Variants in MAF observed in about 807,000 individuals in gnomAD.
MAF encodes transcription factor Maf.
Under a neutral mutation model 22.0 loss-of-function variants are expected in MAF, and 10 were observed. That is an observed-to-expected ratio of 0.45 (90% CI 0.28 to 0.77). MAF has a LOEUF of 0.77. MAF is among the 30% of genes least tolerant of loss of function. The probability of loss-of-function intolerance (pLI) is 0.12; values close to 1 mark genes in which losing one functional copy is unlikely to be tolerated. For missense variants in MAF, 544 were observed against 548.4 expected (o/e 0.99, Z 0.08); for synonymous variants, 337 against 255.8 (o/e 1.32, Z -3.03).
the MAF span, among the ~76,000 whole-genome samples, chr16:79,557,898 G>A: frequency 2.6e-5 from 4 of 151,046 alleles, no homozygotes; most frequent in African/African-American, 9.7e-5. Context: ...AAACTTCATT[G>A]GGCACTAAGA....
At chr16:79,570,282 T>C in the MAF span, among the ~76,000 whole-genome samples, 1 of 152,102 alleles carries the variant, frequency 6.6e-6, no homozygotes, top group Admixed American at 6.5e-5. Context: ...GCCCTGGCCT[T>C]CCAAAATGTC....
chr16:79,474,744 T>C, the MAF span, among the ~76,000 whole-genome samples: 2 of 152,168 alleles, frequency 1.3e-5, no homozygotes, highest in African/African-American at 4.8e-5. Flanking sequence ...AGCATGAGCA[T>C]GACCCAGACC....
chr16:79,226,576 G>A, the MAF span, among the ~76,000 whole-genome samples: 100 of 152,090 alleles, frequency 6.6e-4, no homozygotes, highest in African/African-American at 1.5e-3. Context: ...AAAAATGTAC[G>A]TTATAAAAGT....
the MAF span, among the ~76,000 whole-genome samples, chr16:79,339,845 G>C: frequency 1.3e-5 from 2 of 152,150 alleles, no homozygotes; most frequent in Admixed American, 6.5e-5. Flanking sequence ...TTATCTCTTT[G>C]AGGTAAAGCA....
the MAF span, among the ~76,000 whole-genome samples, chr16:79,506,594 A>C: frequency 3.3e-5 from 5 of 152,176 alleles, no homozygotes; most frequent in African/African-American, 1.2e-4. Context: ...AGAACCAAGA[A>C]GAGGGGCCAG....
the MAF span, among the ~76,000 whole-genome samples, chr16:79,243,567 G>A: frequency 1.3e-5 from 2 of 151,838 alleles, no homozygotes; most frequent in African/African-American, 4.8e-5. Flanking sequence ...AAATGATGCA[G>A]TAATTAATAG....
the MAF span, chr16:79,229,557 G>C: frequency 2.0e-5 from 3 of 152,076 alleles, no homozygotes; most frequent in East Asian, 1.9e-4. Context: ...GGCTGTGAGC[G>C]GGGATAAGTG....
the MAF span, among the ~76,000 whole-genome samples, chr16:79,244,800 C>T: frequency 6.6e-6 from 1 of 152,072 alleles, no homozygotes; most frequent in Admixed American, 6.6e-5. Context: ...AGGCATCATG[C>T]TACCTGACTT....
At chr16:79,580,361 T>C in the MAF span, among the ~76,000 whole-genome samples, 8 of 152,228 alleles carry the variant, frequency 5.3e-5, no homozygotes, top group African/African-American at 1.2e-4. Context: ...ACAGTCTAAA[T>C]AACACGGTTC....
At chr16:79,297,469 G>A in the MAF span, among the ~76,000 whole-genome samples, 19 of 152,302 alleles carry the variant, frequency 1.2e-4, no homozygotes, top group African/African-American at 4.6e-4. Flanking sequence ...AAGTCAGACT[G>A]TGAACGAGGA....
chr16:79,212,340 G>A, the MAF span: 1 of 670,874 alleles, frequency 1.5e-6, no homozygotes, highest in South Asian at 2.3e-5. Context: ...CAGCCAGTGA[G>A]GATGACAGTG....
chr16:79,276,876 G>C, the MAF span, among the ~76,000 whole-genome samples: 1 of 152,102 alleles, frequency 6.6e-6, no homozygotes, highest in Non-Finnish European at 1.5e-5. Flanking sequence ...TCCTTTCAAG[G>C]CTCCAGGGGA....
At chr16:79,434,855 T>C in the MAF span, among the ~76,000 whole-genome samples, 3 of 152,178 alleles carry the variant, frequency 2.0e-5, no homozygotes, top group Non-Finnish European at 4.4e-5. Context: ...GCTCAGCTTT[T>C]CATGGATTAG....
chr16:79,549,222 C>T, the MAF span, among the ~76,000 whole-genome samples: 1 of 150,206 alleles, frequency 6.7e-6, no homozygotes, highest in South Asian at 2.2e-4. Context: ...CCTGAGCAGT[C>T]ATGGCGTGCC....
At chr16:79,429,746 C>G in the MAF span, among the ~76,000 whole-genome samples, 1 of 152,094 alleles carries the variant, frequency 6.6e-6, no homozygotes, top group Non-Finnish European at 1.5e-5. Context: ...CCTTTGGATT[C>G]CTTGTGTCTG....
At chr16:79,262,038 TCTGC>T in the MAF span, among the ~76,000 whole-genome samples, 3 of 152,102 alleles carry the variant, frequency 2.0e-5, no homozygotes, top group Non-Finnish European at 4.4e-5. Context: ...ACCAGGACAG[TCTGC>T]CTGCCCCCAG....
At chr16:79,434,446 T>C in the MAF span, among the ~76,000 whole-genome samples, 5 of 152,234 alleles carry the variant, frequency 3.3e-5, no homozygotes, top group South Asian at 1.0e-3. Flanking sequence ...TTTTGCAAAA[T>C]ACCTGAAAAT....
At chr16:79,336,449 T>C in the MAF span, among the ~76,000 whole-genome samples, 1 of 152,176 alleles carries the variant, frequency 6.6e-6, no homozygotes, top group Non-Finnish European at 1.5e-5. Context: ...AATTATTCTA[T>C]TAGCTTCTTC....
the MAF span, among the ~76,000 whole-genome samples, chr16:79,350,429 A>T: frequency 2.0e-5 from 3 of 152,156 alleles, no homozygotes; most frequent in East Asian, 5.8e-4. Context: ...CAGATAAATG[A>T]CACCATTGCA....
Sources: gnomAD v4.1 joint callset for allele counts (sites outside exome capture counted in the v4.1 genomes callset) on GRCh38, gnomAD v4.1.1 for gene constraint, MANE v1.5 for transcripts, NCBI Gene and HGNC (gene_info 2026-07-23, HGNC 2026-07-21) for gene names.